The following MUC4 variants were observed in gnomAD, a reference collection of about 807,000 sequenced individuals.
MUC4 encodes the protein mucin 4, cell surface associated.
A neutral mutation model predicts 257.9 loss-of-function variants in MUC4; 202 were observed. The ratio of observed to expected loss-of-function variants is 0.78; its 90% CI spans 0.70 to 0.88. The LOEUF is 0.88. Among genes scored for constraint, MUC4 ranks in the 40% least tolerant of loss-of-function variants. The pLI is 0.00. For missense variants in MUC4, 5,976 were observed against 6,513.7 expected, an observed-to-expected ratio of 0.92 and a Z score of 2.84; for synonymous variants, 2,351 against 2,757.1, an observed-to-expected ratio of 0.85 and a Z score of 4.62.
rs751918576 is a variant in MUC4, at chr3:195,754,281, T to C, written c.15260A>G (p.His5087Arg). 1.9e-6 allele frequency: 3 copies of C among 1,613,968 alleles called. No homozygotes were observed. Among genetic ancestry groups the C allele is most frequent in the Middle Eastern group, 1.7e-4 (1 of 6,002 alleles). Residue 5087 changes from histidine (H) to arginine (R), a missense_variant, in exon 19 of 25, where the codon CAC becomes CGC. Coordinates refer to ENST00000463781, the MANE Select transcript of MUC4 (RefSeq NM_018406.7). ...CTCGCAGCCCTTCCCAGGAACGCAG[T>C]GGACACTCGGGAAGCACGGCTCCTC... Reference protein sequence around the residue: ...ACEEPCFPSVHCVPGKGCEAC... With the variant: ...ACEEPCFPSVRCVPGKGCEAC...
chr3:195,789,799 G>A lies in MUC4; in HGVS notation c.1781C>T (p.Thr594Ile). 6.2e-7 allele frequency: 1 copy of A among 1,614,034 alleles called. No individual in the cohort carries two copies. Among genetic ancestry groups the A allele is most frequent in the Non-Finnish European group, 8.5e-7 (1 of 1,179,894 alleles). The change falls in exon 2 of 25, where the codon ACA (threonine) becomes ATA (isoleucine). Residue 594 changes from threonine to isoleucine, a missense_variant. Coordinates refer to ENST00000463781, the MANE Select transcript of MUC4 (RefSeq NM_018406.7). ...YSVTQMIKTATSPSSSPMLDR... is the reference protein window; with the variant it reads ...YSVTQMIKTAISPSSSPMLDR... ...CAGCATAGGTGAAGAAGATGGGGAT[G>A]TGGCCGTTTTTATCATCTGAGTCAC...
chr3:195,788,281 C>G lies in MUC4; in HGVS notation c.3299G>C (p.Gly1100Ala), dbSNP rs773413198. ...GGTGACAGGAAGAGAGGTGGCGTGACCTGTGGATGCTGAGGAAGTGTCAGT... is the reference window on the plus strand; with the variant it reads ...GGTGACAGGAAGAGAGGTGGCGTGAGCTGTGGATGCTGAGGAAGTGTCAGT... ...PVTDTSSAST[G>A]HATSLPVTDT... Residue 1100 changes from glycine (G) to alanine (A), a missense_variant, in exon 2 of 25, where the codon GGT (glycine) becomes GCT (alanine). Around this residue, in one of 44 missense-constraint regions of MUC4, gnomAD observed 68 missense variants for 90.4 expected, o/e 0.75. Transcript: ENST00000463781. 1 of 1,545,854 alleles carries G rather than the reference C, an allele frequency of 6.5e-7. No homozygotes were observed. The highest frequency in any genetic ancestry group is 8.7e-7 in the Non-Finnish European group (1 of 1,145,372).
At chr3:195,809,552 T>A (rs556781620) in intron 1 of MUC4, 19 of 152,564 alleles carry the variant, frequency 1.2e-4, no homozygotes, top group African/African-American at 3.6e-4. Context: ...CTTGGTCCCC[T>A]TAGCGACGCA....
In MUC4 at chr3:195,790,776, G is replaced by T; in HGVS notation, c.804C>A (p.Thr268=). Residue 268 remains threonine, a synonymous_variant, in exon 2 of 25, where the codon ACC becomes ACA. Coordinates refer to ENST00000463781, the MANE Select transcript of MUC4 (RefSeq NM_018406.7). Reference sequence around the variant, plus strand: ...GGTTTCCAAGAGTGGAGCCTGTGGAGGTTGTCACTGTTATCTTCTCTGATG... The same window carrying T: ...GGTTTCCAAGAGTGGAGCCTGTGGATGTTGTCACTGTTATCTTCTCTGATG... ...MMTSEKITVT[T]STGSTLGNPG... 1 of 1,614,018 alleles carries T rather than the reference G, an allele frequency of 6.2e-7. No homozygotes were observed. The highest frequency in any genetic ancestry group is 1.7e-5 in the Admixed American group (1 of 60,024).
chr3:195,762,800 G>A, intron 13 of MUC4, 55 bp downstream of exon 13: 1 of 1,040,816 alleles, frequency 9.6e-7, no homozygotes, highest in African/African-American at 1.9e-5. Flanking sequence ...GCGGCTTCCC[G>A]CCCACCTCGC....
intron 21 of MUC4, chr3:195,751,601 A>G: frequency 2.3e-6 from 1 of 429,564 alleles, no homozygotes; most frequent in Non-Finnish European, 4.2e-6. Flanking sequence ...TATATTGAAC[A>G]TGGGTTGTTT....
At position 195,788,469 on chromosome 3, in the gene MUC4, G is replaced by A. The variant is rs79661483; in HGVS notation, c.3111C>T (p.His1037=). 0.23 allele frequency: 138,376 copies of A among 607,778 alleles called. 25,255 individuals carry two copies. Among genetic ancestry groups the A allele is most frequent in the East Asian group, 0.46 (4,931 of 10,702 alleles). The allele number at this position is 607,778 out of a possible 1,614,324, so 37.6% of individuals were successfully genotyped here. The change falls in exon 2 of 25, where the codon CAC becomes CAT. Residue 1037 remains histidine, a synonymous_variant. Coordinates refer to ENST00000463781, the MANE Select transcript of MUC4 (RefSeq NM_018406.7). ...VTDTSSESTG[H]VTPLPVTSFS... is the part of the protein sequence containing the mutation. Reference sequence around the variant, plus strand: ...AGCTGGTGACAGGAAGAGGGGTGACGTGACCTGTGGATTCTGAGGAAGTGT... The same window carrying A: ...AGCTGGTGACAGGAAGAGGGGTGACATGACCTGTGGATTCTGAGGAAGTGT...
chr3:195,807,326 G>A (rs190708238), intron 1 of MUC4, among the ~76,000 whole-genome samples: 41 of 152,168 alleles, frequency 2.7e-4, no homozygotes, highest in Admixed American at 1.6e-3. Context: ...AACATTAGCC[G>A]CTGTGGTGTT....
intron 1 of MUC4, 146 bp from the exon 2 acceptor site, chr3:195,791,643 C>T (rs1317465166): frequency 1.6e-6 from 1 of 624,302 alleles, no homozygotes; most frequent in South Asian, 2.2e-5. Flanking sequence ...GAACAAACTA[C>T]TTTAAAATTC....
rs1729019797 is a variant in MUC4, at chr3:195,782,924, CGT to C, written c.8654_8655del (p.Asp2885GlyfsTer24). 1 of 844,684 alleles carries C rather than the reference CGT, an allele frequency of 1.2e-6. No homozygotes were observed. Among genetic ancestry groups the C allele is most frequent in the Non-Finnish European group, 1.5e-6 (1 of 666,336 alleles). The allele number at this position is 844,684 out of a possible 1,614,324, so 52.3% of individuals were successfully genotyped here. Reference sequence around the variant, plus strand: ...GCGTGACCTGTGGACACTGAGGAAGCGTCGGTGACAGGAAGAGGGGTGGCATG... The same window carrying C: ...GCGTGACCTGTGGACACTGAGGAAGCCGGTGACAGGAAGAGGGGTGGCATG... ...TGHATPLPVT[D>X]ASSVSTGHAT... On this transcript the variant is annotated frameshift_variant, in exon 2 of 25. Transcript: ENST00000463781. LOFTEE classifies it high-confidence loss of function.
intron 16 of MUC4, among the ~76,000 whole-genome samples, chr3:195,759,918 A>ACACACACACACACACGCACGCACGC (rs1718422503): frequency 1.3e-5 from 2 of 149,738 alleles, no homozygotes; most frequent in Admixed American, 1.3e-4. Flanking sequence ...AAACTCCGTC[A>ACACACACACACACACGCACGCACGC]ACACACACAC....
At position 195,771,745 on chromosome 3, in the gene MUC4, TG is replaced by T; in HGVS notation, c.13148del (p.Pro4383GlnfsTer44). 6.2e-7 allele frequency: 1 copy of T among 1,613,748 alleles called. No homozygotes were observed. Among genetic ancestry groups the T allele is most frequent in the African/African-American group, 1.3e-5 (1 of 74,958 alleles). On this transcript the variant is annotated frameshift_variant, in exon 5 of 25. Transcript: ENST00000463781. LOFTEE classifies it high-confidence loss of function. ...YQIFSYPNPL[P>X]TGFTGRDPVA... ...CAGGGTCCCGGCCTGTGAAGCCTGT[TG>T]GGAGTGGGTTGGGGTAGGAGAAAAT...
At position 195,788,521 on chromosome 3, in the gene MUC4, C is replaced by T. The variant is rs769202489; in HGVS notation, c.3059G>A (p.Gly1020Asp). 9 of 1,483,192 alleles carry T rather than the reference C, an allele frequency of 6.1e-6. No individual in the cohort carries two copies. Among genetic ancestry groups the T allele is most frequent in the East Asian group, 5.1e-5 (2 of 39,426 alleles). 91.9% of individuals were successfully genotyped at this position (1,483,192 alleles called of 1,614,324 possible). ...GGTGACAGGAAGAGGGGTGGTGTGA[C>T]CTGTGGATACTGAGGAAGGGCTGGT... Reference protein sequence around the residue: ...PVTSPSSVSTGHTTPLPVTDT... With the variant: ...PVTSPSSVSTDHTTPLPVTDT... The change falls in exon 2 of 25, where the codon GGT (glycine) becomes GAT (aspartate). Residue 1020 changes from glycine (G) to aspartate (D), a missense_variant. By Grantham distance (94) the Gly-to-Asp change is moderately conservative (BLOSUM62 -1). Coordinates refer to ENST00000463781, the MANE Select transcript of MUC4 (RefSeq NM_018406.7).
At position 195,790,328 on chromosome 3, in the gene MUC4, T is replaced by A; in HGVS notation, c.1252A>T (p.Ile418Phe). 6.2e-7 allele frequency: 1 copy of A among 1,613,902 alleles called. No individual in the cohort carries two copies. Among genetic ancestry groups the A allele is most frequent in the Non-Finnish European group, 8.5e-7 (1 of 1,179,816 alleles). ...EETSLSVSGT[I>F]SAITSKVSTI... ...GAAACTTTGGAAGTGATTGCAGAAA[T>A]GGTTCCACTTACAGATAGTGATGTC... The change falls in exon 2 of 25, where the codon ATT becomes TTT. Residue 418 changes from isoleucine (I) to phenylalanine (F), a missense_variant. Transcript: ENST00000463781.
intron 3 of MUC4, 141 bp from the exon 4 acceptor site, chr3:195,774,446 T>A: frequency 2.0e-6 from 2 of 1,015,568 alleles, no homozygotes; most frequent in South Asian, 2.7e-5. Flanking sequence ...CCATCTAGGG[T>A]GCTTCTCGCT....
At chr3:195,802,909 G>A (rs1411731912) in intron 1 of MUC4, among the ~76,000 whole-genome samples, 3 of 152,036 alleles carry the variant, frequency 2.0e-5, no homozygotes, top group Non-Finnish European at 4.4e-5. Context: ...TGCAAAGGCC[G>A]TTTTCCTCAG....
Position 195,783,986 on chromosome 3 carries a change from T to G in MUC4, c.7594A>C (p.Thr2532Pro), listed in dbSNP as rs1354777492. The G allele has an allele frequency of 1.4e-5, 21 of 1,535,110 alleles. No individual in the cohort carries two copies. Among genetic ancestry groups the G allele is most frequent in the Non-Finnish European group, 1.8e-5 (21 of 1,142,470 alleles). Residue 2532 changes from threonine to proline, a missense_variant, in exon 2 of 25, where the codon ACC becomes CCC. Physicochemically the swap from Thr to Pro is conservative, Grantham distance 38 (BLOSUM62 -1). Coordinates refer to ENST00000463781, the MANE Select transcript of MUC4 (RefSeq NM_018406.7). ...CGTGTGGATAATGAGGAAGCATTGG[T>G]GACAGGAAGAGGGGTGGTGTCACCT... is the stretch of plus-strand genomic sequence containing the variant. ...STGDTTPLPV[T>P]NASSLSTRHA...
chr3:195,746,973 T>C lies in MUC4; in HGVS notation c.*203A>G. 4 of 760,822 alleles carry C rather than the reference T, an allele frequency of 5.3e-6. No individual in the cohort carries two copies. Among genetic ancestry groups the C allele is most frequent in the Non-Finnish European group, 8.4e-6 (4 of 477,036 alleles). The allele number at this position is 760,822 out of a possible 1,614,324, so 47.1% of individuals were successfully genotyped here. On this transcript the variant is annotated 3_prime_UTR_variant, in exon 25 of 25. Transcript: ENST00000463781. ...CTGCGTGAGGACCCATCCATGCATG[T>C]TTGATCTTTATGGCCTCCCCCTGTG...
At chr3:195,794,614 A>G (rs1279268600) in intron 1 of MUC4, among the ~76,000 whole-genome samples, 1 of 152,104 alleles carries the variant, frequency 6.6e-6, no homozygotes, top group East Asian at 1.9e-4. Flanking sequence ...CTCCTGCTTC[A>G]GACTCTCAAA....
Sources: allele counts gnomAD v4.1 joint callset (sites outside exome capture counted in the v4.1 genomes callset), GRCh38; gene constraint gnomAD v4.1.1; regional missense constraint gnomAD v4.1.1; transcripts MANE v1.5; gene names NCBI Gene and HGNC (gene_info 2026-07-23, HGNC 2026-07-21).